Variants in ZC3H12B observed in about 807,000 individuals in gnomAD.
ZC3H12B encodes the protein zinc finger CCCH-type containing 12B.
A neutral mutation model predicts 43.9 loss-of-function variants in ZC3H12B; 7 were observed. The ratio of observed to expected loss-of-function variants is 0.16; its 90% confidence interval spans 0.09 to 0.30. The LOEUF is 0.30. Ranked by LOEUF, ZC3H12B falls within the 10% of genes least tolerant of loss-of-function variation. The pLI is 1.00. For missense variants in ZC3H12B, 475 were observed against 670.2 expected (o/e 0.71, Z 3.22); for synonymous variants, 222 against 241.7 (o/e 0.92, Z 0.76).
intron 3 of ZC3H12B, among the ~76,000 whole-genome samples, chrX:65,405,746 T>C (rs892322922): frequency 2.7e-5 from 3 of 111,786 alleles, no homozygotes; most frequent in Non-Finnish European, 5.6e-5. Flanking sequence ...TTGACAAAAC[T>C]TTAGCCAAAC....
At chrX:65,457,797 G>A in intron 3 of ZC3H12B, among the ~76,000 whole-genome samples, 1 of 63,147 alleles carries the variant, frequency 1.6e-5, no homozygotes, top group Non-Finnish European at 2.6e-5. Flanking sequence ...AACATGTGCT[G>A]TGTCCACTCA....
the ZC3H12B span, among the ~76,000 whole-genome samples, chrX:65,182,395 G>T: frequency 1.8e-5 from 2 of 111,019 alleles, no homozygotes; most frequent in African/African-American, 6.5e-5. Context: ...TTCTGCACAT[G>T]TATCCCAGAA....
chrX:65,144,563 A>T, the ZC3H12B span, among the ~76,000 whole-genome samples: 6 of 111,193 alleles, frequency 5.4e-5, no homozygotes, highest in East Asian at 1.7e-3. Flanking sequence ...GTGAACTTAG[A>T]TTATCTGTTT....
chrX:65,334,408 CT>C, the ZC3H12B span, among the ~76,000 whole-genome samples: 1 of 112,165 alleles, frequency 8.9e-6, no homozygotes, highest in South Asian at 3.7e-4. Context: ...GCAGAAAAAT[CT>C]ACATTCCCAT....
At chrX:65,295,720 G>T in the ZC3H12B span, among the ~76,000 whole-genome samples, 1 of 111,537 alleles carries the variant, frequency 9.0e-6, no homozygotes, top group African/African-American at 3.2e-5. Flanking sequence ...TGAAATGAGA[G>T]AAATTACCAC....
the ZC3H12B span, among the ~76,000 whole-genome samples, chrX:65,102,525 A>G: frequency 8.9e-6 from 1 of 111,968 alleles, no homozygotes; most frequent in Non-Finnish European, 1.9e-5. Context: ...CAGATAAGCA[A>G]CGTCAGCAAA....
chrX:65,354,309 C>A, the ZC3H12B span, among the ~76,000 whole-genome samples: 1 of 111,892 alleles, frequency 8.9e-6, no homozygotes, highest in African/African-American at 3.2e-5. Flanking sequence ...CTGGTGATAC[C>A]CAGGCAAACA....
At chrX:65,096,179 G>T in the ZC3H12B span, among the ~76,000 whole-genome samples, 5 of 98,342 alleles carry the variant, frequency 5.1e-5, no homozygotes, top group African/African-American at 1.5e-4. Context: ...TATTACTTGG[G>T]CACAGGGAGG....
At chrX:65,121,867 G>A in the ZC3H12B span, among the ~76,000 whole-genome samples, 12 of 111,182 alleles carry the variant, frequency 1.1e-4, no homozygotes, top group African/African-American at 2.0e-4. Context: ...CGTTGGTTTC[G>A]AAGAACATCT....
the ZC3H12B span, among the ~76,000 whole-genome samples, chrX:65,105,708 G>A: frequency 8.9e-6 from 1 of 111,854 alleles, no homozygotes; most frequent in African/African-American, 3.2e-5. Context: ...CTACTTCAAA[G>A]CTGCCTGAGG....
chrX:65,431,783 G>A (rs995277543), intron 3 of ZC3H12B, among the ~76,000 whole-genome samples: 1 of 111,912 alleles, frequency 8.9e-6, no homozygotes, highest in Non-Finnish European at 1.9e-5. Flanking sequence ...ATTGACTATA[G>A]CCCATGAATT....
chrX:65,219,809 TACACACACACACACACAC>T, the ZC3H12B span, among the ~76,000 whole-genome samples: 2 of 76,710 alleles, frequency 2.6e-5, no homozygotes, highest in African/African-American at 4.6e-5. Context: ...TACACACACA[TACACACACACACACACAC>T]ACACACACAC....
At chrX:65,296,877 C>T in the ZC3H12B span, among the ~76,000 whole-genome samples, 3 of 111,367 alleles carry the variant, frequency 2.7e-5, no homozygotes, top group East Asian at 8.5e-4. Context: ...ATGTGATACA[C>T]TGCATAAACA....
the ZC3H12B span, among the ~76,000 whole-genome samples, chrX:65,107,312 A>C: frequency 9.0e-6 from 1 of 111,079 alleles, no homozygotes; most frequent in African/African-American, 3.3e-5. Flanking sequence ...AAAAAGACCA[A>C]TTAGTAGATT....
intron 2 of ZC3H12B, among the ~76,000 whole-genome samples, chrX:65,384,613 G>A (rs2066495531): frequency 9.0e-6 from 1 of 111,001 alleles, no homozygotes; most frequent in Non-Finnish European, 1.9e-5. Flanking sequence ...TAAAAAAAAT[G>A]GCAGGAGTAA....
chrX:65,140,072 T>C, the ZC3H12B span, among the ~76,000 whole-genome samples: 31 of 111,125 alleles, frequency 2.8e-4, no homozygotes, highest in Admixed American at 6.7e-4. Context: ...CCAATTTGGA[T>C]GCTTTTTATT....
chrX:65,407,590 G>T (rs1244899305), intron 3 of ZC3H12B, among the ~76,000 whole-genome samples: 1 of 113,604 alleles, frequency 8.8e-6, no homozygotes, highest in Non-Finnish European at 1.9e-5. Context: ...CGCCACCTGC[G>T]CCTCGCCCGC....
the ZC3H12B span, among the ~76,000 whole-genome samples, chrX:65,288,201 G>A: frequency 9.0e-6 from 1 of 110,620 alleles, no homozygotes; most frequent in Non-Finnish European, 1.9e-5. Flanking sequence ...CAAGTACCAG[G>A]TGGATTCACT....
the ZC3H12B span, among the ~76,000 whole-genome samples, chrX:65,295,944 G>C: frequency 9.0e-6 from 1 of 111,054 alleles, no homozygotes; most frequent in Non-Finnish European, 1.9e-5. Flanking sequence ...ATCCAGAAAG[G>C]GTGTGGAGAT....
Sources: allele counts gnomAD v4.1 joint callset (sites outside exome capture counted in the v4.1 genomes callset), GRCh38; gene constraint gnomAD v4.1.1; transcripts MANE v1.5; gene names NCBI Gene and HGNC (gene_info 2026-07-23, HGNC 2026-07-21).